Variants in CFAP20DC observed in about 807,000 individuals in gnomAD.
CFAP20DC encodes CFAP20 domain containing, also known as protein CFAP20DC.
In CFAP20DC, 84 loss-of-function variants were observed where a neutral mutation model predicts 101.7. The ratio of observed to expected loss-of-function variants is 0.83; its 90% confidence interval spans 0.69 to 0.99. The LOEUF (loss-of-function observed/expected upper bound fraction) is 0.99. CFAP20DC is among the 50% of genes least tolerant of loss of function. The pLI, the probability that CFAP20DC is intolerant of heterozygous loss-of-function variation, is 0.00. For synonymous variants in CFAP20DC, 359 were observed against 351.2 expected (o/e 1.02, Z -0.25); for missense variants, 1,007 against 970.3 (o/e 1.04, Z -0.50).
intron 14 of CFAP20DC, among the ~76,000 whole-genome samples, chr3:58,807,836 T>G (rs2074235332): frequency 6.6e-6 from 1 of 152,098 alleles, no homozygotes; most frequent in Non-Finnish European, 1.5e-5. Flanking sequence ...GAAGAATGTA[T>G]AACTAGAATA....
At chr3:58,985,316 A>G (rs2092714266) in intron 4 of CFAP20DC, among the ~76,000 whole-genome samples, 1 of 151,928 alleles carries the variant, frequency 6.6e-6, no homozygotes, top group African/African-American at 2.4e-5. Context: ...TCTGAAGTAT[A>G]TTCCTTCCTC....
intron 16 of CFAP20DC, among the ~76,000 whole-genome samples, chr3:58,753,378 T>C (rs1246618070): frequency 2.6e-5 from 4 of 152,200 alleles, no homozygotes; most frequent in African/African-American, 7.2e-5. Flanking sequence ...TCATTGAATC[T>C]TCACAAGGAA....
rs779047644 is a variant in CFAP20DC, at chr3:58,870,209, G to A, written c.816C>T (p.Leu272=). The A allele has an allele frequency of 8.1e-6, 13 of 1,614,028 alleles. No individual in the cohort carries two copies. The highest frequency in any genetic ancestry group is 3.3e-4 in the Middle Eastern group (2 of 6,084). The change falls in exon 8 of 17, where the codon CTC becomes CTT. Residue 272 remains leucine (L), a synonymous_variant. Transcript: ENST00000482387. The part of the protein sequence containing the change: ...FGSKVLGPPP[L]SGRRNNMKIS... ...TCTTCATGTTATTCCTTCTGCCAGA[G>A]AGTGGAGGTGGCCCAAGAACTTTGG...
intron 16 of CFAP20DC, among the ~76,000 whole-genome samples, chr3:58,746,424 A>G (rs534069648): frequency 6.6e-6 from 1 of 152,308 alleles, no homozygotes; most frequent in Non-Finnish European, 1.5e-5. Context: ...TGCAAAAAAG[A>G]TACATTTTTA....
intron 13 of CFAP20DC, among the ~76,000 whole-genome samples, chr3:58,840,669 T>C (rs1254005431): frequency 6.6e-6 from 1 of 152,158 alleles, no homozygotes; most frequent in Non-Finnish European, 1.5e-5. Context: ...CTTTATGAAT[T>C]TGAGAAGGTT....
intron 5 of CFAP20DC, among the ~76,000 whole-genome samples, chr3:58,927,302 A>G (rs935566421): frequency 1.3e-5 from 2 of 152,198 alleles, no homozygotes; most frequent in African/African-American, 4.8e-5. Context: ...TGGCTAACTA[A>G]AGGCTTTAGC....
chr3:58,924,356 G>A (rs1044796058), intron 5 of CFAP20DC, among the ~76,000 whole-genome samples: 7 of 151,970 alleles, frequency 4.6e-5, no homozygotes, highest in Non-Finnish European at 2.9e-5. Flanking sequence ...GAGTTATTTT[G>A]TTTAGGATAA....
intron 4 of CFAP20DC, among the ~76,000 whole-genome samples, chr3:58,961,380 C>T (rs545320880): frequency 6.6e-6 from 1 of 152,148 alleles, no homozygotes; most frequent in South Asian, 2.1e-4. Flanking sequence ...ATGGTGAAAC[C>T]CCGTCTCTAC....
downstream of CFAP20DC, among the ~76,000 whole-genome samples, chr3:58,741,782 A>G (rs1054761149): frequency 1.3e-5 from 2 of 152,102 alleles, no homozygotes; most frequent in African/African-American, 2.4e-5. Flanking sequence ...AAAGAAAAAT[A>G]CAGTGCTAAG....
intron 4 of CFAP20DC, among the ~76,000 whole-genome samples, chr3:58,981,071 CAGAG>C (rs2092519692): frequency 6.6e-6 from 1 of 152,106 alleles, no homozygotes; most frequent in Admixed American, 6.6e-5. Context: ...AACAGACAAA[CAGAG>C]AGCCAAATCA....
intron 6 of CFAP20DC, among the ~76,000 whole-genome samples, chr3:58,890,660 T>C (rs2082133389): frequency 2.1e-5 from 3 of 146,128 alleles, no homozygotes; most frequent in East Asian, 4.2e-4. Flanking sequence ...GGGGCTCCTC[T>C]TTTCAGACGG....
At chr3:58,828,541 G>T (rs371142879) in intron 14 of CFAP20DC, among the ~76,000 whole-genome samples, 41 of 152,286 alleles carry the variant, frequency 2.7e-4, no homozygotes, top group African/African-American at 9.4e-4. Flanking sequence ...GCAAATTAAT[G>T]CAGGAACAGA....
rs1390211824 is a variant in CFAP20DC at position 58,868,017 on chromosome 3, C to T, written c.1016-81G>A. The stretch of plus-strand genomic sequence containing the variant: ...AGTAACTCAGTAAATATAATTATCA[C>T]TATAATGAGAATATTCATGTATAAT... On this transcript the variant is annotated intron_variant, in intron 9 of 16. Transcript: ENST00000482387. The surrounding 1 kb of genome is among the most constrained non-coding windows in gnomAD (Gnocchi z 4.6). 7.3e-7 allele frequency: 1 copy of T among 1,375,742 alleles called. No individual in the cohort carries two copies. The highest frequency in any genetic ancestry group is 2.6e-5 in the Admixed American group (1 of 39,052). 85.2% of individuals were successfully genotyped at this position (1,375,742 alleles called of 1,614,324 possible). A position where few individuals can be genotyped will look rare whatever the true frequency, so the allele number is the denominator to read the frequency against.
chr3:58,977,209 T>C (rs1275713766), intron 4 of CFAP20DC, among the ~76,000 whole-genome samples: 1 of 152,230 alleles, frequency 6.6e-6, no homozygotes, highest in Non-Finnish European at 1.5e-5. Flanking sequence ...GAAATTACTG[T>C]AGTTTCTTCT....
intron 15 of CFAP20DC, among the ~76,000 whole-genome samples, chr3:58,755,542 T>A (rs141477176): frequency 2.6e-5 from 4 of 152,168 alleles, no homozygotes; most frequent in Admixed American, 6.6e-5. Context: ...CAGTAGGAGC[T>A]ACCCCAGTGG....
At chr3:58,984,801 T>C (rs919256156) in intron 4 of CFAP20DC, among the ~76,000 whole-genome samples, 3 of 152,212 alleles carry the variant, frequency 2.0e-5, no homozygotes, top group Non-Finnish European at 2.9e-5. Context: ...TGAACTTCTC[T>C]GAGGCTTTCT....
intron 16 of CFAP20DC, among the ~76,000 whole-genome samples, chr3:58,744,149 G>A (rs1368500773): frequency 6.6e-6 from 1 of 152,172 alleles, no homozygotes; most frequent in Non-Finnish European, 1.5e-5. Flanking sequence ...GGTTTAGAAA[G>A]CTCTTTCTCA....
chr3:58,945,216 C>A (rs1237870857), intron 4 of CFAP20DC, among the ~76,000 whole-genome samples: 1 of 152,182 alleles, frequency 6.6e-6, no homozygotes, highest in Non-Finnish European at 1.5e-5. Flanking sequence ...AAACTCAGAT[C>A]TAATTAATCC....
intron 14 of CFAP20DC, among the ~76,000 whole-genome samples, chr3:58,814,752 T>G (rs808475): frequency 2.7e-5 from 4 of 150,746 alleles, no homozygotes; most frequent in East Asian, 1.9e-4. Flanking sequence ...GAACTCCCAT[T>G]CACAATTGCT....
Sources: allele counts gnomAD v4.1 joint callset (sites outside exome capture counted in the v4.1 genomes callset), GRCh38; gene constraint gnomAD v4.1.1; non-coding constraint Gnocchi (gnomAD v3.1); transcripts MANE v1.5; gene names NCBI Gene and HGNC (gene_info 2026-07-23, HGNC 2026-07-21).